ZNF699: variants seen among roughly 807,000 people sequenced by gnomAD.
The protein encoded by ZNF699 is zinc finger protein 699.
In ZNF699, 18 loss-of-function variants were observed where a neutral mutation model predicts 22.5. The observed-to-expected ratio is 0.80, with a 90% CI of 0.55 to 1.19. ZNF699 has a LOEUF of 1.19. ZNF699 is among the 50% of genes most tolerant of loss of function. The pLI, the probability that ZNF699 is intolerant of heterozygous loss-of-function variation, is 0.00. For missense variants in ZNF699, 670 were observed against 763.4 expected (o/e 0.88, Z 1.44); for synonymous variants, 241 against 262.3 (o/e 0.92, Z 0.78).
rs2066289117 is a variant in ZNF699 at position 9,296,910 on chromosome 19, T to C, written c.494A>G (p.Tyr165Cys). The change falls in exon 6 of 6, where the codon TAT (tyrosine) becomes TGT (cysteine). Residue 165 changes from tyrosine (Y) to cysteine (C), a missense_variant. Coordinates refer to ENST00000591998, the MANE Select transcript of ZNF699 (RefSeq NM_198535.3). The part of the protein sequence containing the change: ...HLRNHMVENI[Y>C]ECYEENQDGQ... The stretch of plus-strand genomic sequence containing the variant: ...ATCTTGATTTTCTTCATAACATTCA[T>C]AGATGTTCTCTACCATATGATTTCT... 6.2e-7 allele frequency: 1 copy of C among 1,609,412 alleles called. No individual in the cohort carries two copies. Among genetic ancestry groups the C allele is most frequent in the Non-Finnish European group, 8.5e-7 (1 of 1,176,294 alleles).
chr19:9,300,281 CCT>C (rs1415094844), intron 3 of ZNF699, among the ~76,000 whole-genome samples: 1 of 152,122 alleles, frequency 6.6e-6, no homozygotes, highest in Admixed American at 6.6e-5. Context: ...GGAGTTTCAC[CCT>C]GTTAGCCAGG....
In ZNF699 at chr19:9,293,485, C is replaced by A. The variant is rs2066273662; in HGVS notation, c.*1990G>T. On this transcript the variant is annotated 3_prime_UTR_variant, in exon 6 of 6. Transcript: ENST00000591998. ...TAAGCCCATACATCTATCAAAAGAA[C>A]AATTAAAAGTCAAACCACACATTAT... Among the ~76,000 whole-genome samples, 1 of 152,128 alleles carries A rather than the reference C, an allele frequency of 6.6e-6. No homozygotes were observed. The highest frequency in any genetic ancestry group is 2.4e-5 in the African/African-American group (1 of 41,416).
At chr19:9,305,361 G>C (rs967163474) in intron 1 of ZNF699, among the ~76,000 whole-genome samples, 9 of 152,080 alleles carry the variant, frequency 5.9e-5, no homozygotes, top group Non-Finnish European at 1.3e-4. Context: ...CGTCCCCCTA[G>C]AGATACAAAA....
chr19:9,296,244 C>A lies in ZNF699; in HGVS notation c.1160G>T (p.Gly387Val). Residue 387 changes from glycine to valine, a missense_variant, in exon 6 of 6, where the codon GGA becomes GTA. By Grantham distance (109) the Gly-to-Val change is moderately radical (BLOSUM62 -3). Transcript: ENST00000591998. ...KLTVHGRTHTGEKPYKCKECG... is the reference protein window; with the variant it reads ...KLTVHGRTHTVEKPYKCKECG... ...TTCCTTACATTTATAGGGTTTCTCT[C>A]CAGTATGTGTCCTCCCATGTACAGT... 2 of 1,614,092 alleles carry A rather than the reference C, an allele frequency of 1.2e-6. No individual in the cohort carries two copies. Among genetic ancestry groups the A allele is most frequent in the South Asian group, 2.2e-5 (2 of 91,082 alleles).
chr19:9,296,335 G>A lies in ZNF699; in HGVS notation c.1069C>T (p.His357Tyr). The A allele has an allele frequency of 1.9e-6, 3 of 1,613,750 alleles. No homozygotes were observed. The highest frequency in any genetic ancestry group is 2.5e-6 in the Non-Finnish European group (3 of 1,179,928). The change falls in exon 6 of 6, where the codon CAC (histidine) becomes TAC (tyrosine). Residue 357 changes from histidine to tyrosine, a missense_variant. Coordinates refer to ENST00000591998, the MANE Select transcript of ZNF699 (RefSeq NM_198535.3). ...CATTCATAAGGCTTCTCTCCAGTGTGAATTCTTATATGTATTATAAGGTGA... is the reference window on the plus strand; with the variant it reads ...CATTCATAAGGCTTCTCTCCAGTGTAAATTCTTATATGTATTATAAGGTGA... The part of the protein sequence containing the change: ...SSHLIIHIRI[H>Y]TGEKPYECKE...
rs572946611 is a variant in ZNF699, at chr19:9,306,925, C to T, written c.-5-1801G>A. Reference sequence around the variant, plus strand: ...AAGCATTCTAATCAAATATGCTGTGCGTGGTAGCTCATGCTTGTAATCCCA... The same window carrying T: ...AAGCATTCTAATCAAATATGCTGTGTGTGGTAGCTCATGCTTGTAATCCCA... On this transcript the variant is annotated intron_variant, in intron 1 of 5. Coordinates refer to ENST00000591998, the MANE Select transcript of ZNF699 (RefSeq NM_198535.3). 9.2e-5 allele frequency among the ~76,000 whole-genome samples: 14 copies of T among 152,328 alleles called. 1 individual carries two copies. In the South Asian group the frequency reaches 2.7e-3, roughly 29 times the overall value.
chr19:9,303,458 C>A (rs909213972), intron 2 of ZNF699, among the ~76,000 whole-genome samples: 10 of 152,190 alleles, frequency 6.6e-5, no homozygotes, highest in Admixed American at 6.5e-4. Context: ...ACGAAGTACA[C>A]AGATAAAATA....
Position 9,301,110 on chromosome 19 carries a change from AAAT to A in ZNF699, c.175+1265_175+1267del, listed in dbSNP as rs368663602. ...AGCTGTGAACCTAAAATTGCTCTAA[AAAT>A]AATAATAAAGCCTACAAAAAAAAAA... On this transcript the variant is annotated intron_variant, in intron 3 of 5. Transcript: ENST00000591998. Among the ~76,000 whole-genome samples, 121 of 150,172 alleles carry A rather than the reference AAAT, an allele frequency of 8.1e-4. 2 individuals carry two copies. Among genetic ancestry groups the A allele is most frequent in the Middle Eastern group, 3.4e-3 (1 of 294 alleles).
At position 9,296,385 on chromosome 19, in the gene ZNF699, C is replaced by T. The variant is rs1222451572; in HGVS notation, c.1019G>A (p.Cys340Tyr). ...AGAGGAAGAGCTAAAGGCCTTCCCA[C>T]ATTCCTTACATTCATATGGCTTATC... is the stretch of plus-strand genomic sequence containing the variant. ...SGDKPYECKECGKAFSSSSHL... is the reference protein window; with the variant it reads ...SGDKPYECKEYGKAFSSSSHL... Residue 340 changes from cysteine (C) to tyrosine (Y), a missense_variant, in exon 6 of 6, where the codon TGT (cysteine) becomes TAT (tyrosine). Coordinates refer to ENST00000591998, the MANE Select transcript of ZNF699 (RefSeq NM_198535.3). The T allele has an allele frequency of 6.2e-7, 1 of 1,614,124 alleles. No individual in the cohort carries two copies. The highest frequency in any genetic ancestry group is 2.2e-5 in the East Asian group (1 of 44,872).
chr19:9,296,995 T>C (rs892648764), intron 5 of ZNF699, 62 bp from the exon 6 acceptor site: 3 of 1,354,926 alleles, frequency 2.2e-6, no homozygotes, highest in Non-Finnish European at 2.0e-6. Context: ...TGAATGTATA[T>C]GTTTTCTGCC....
Position 9,305,000 on chromosome 19 carries a change from G to C in ZNF699, c.48+72C>G. 3 of 1,200,778 alleles carry C rather than the reference G, an allele frequency of 2.5e-6. No individual in the cohort carries two copies. In the South Asian group the frequency reaches 3.8e-5, roughly 15 times the overall value. 74.4% of individuals were successfully genotyped at this position (1,200,778 alleles called of 1,614,324 possible). On this transcript the variant is annotated intron_variant, in intron 2 of 5. Coordinates refer to ENST00000591998, the MANE Select transcript of ZNF699 (RefSeq NM_198535.3). ...CAATACAGAAAGAGATTGCTGGCTT[G>C]TGCCCTAAAACACTGAGGGAGACCT...
At chr19:9,299,584 C>T (rs1034499301) in intron 3 of ZNF699, among the ~76,000 whole-genome samples, 3 of 152,024 alleles carry the variant, frequency 2.0e-5, no homozygotes, top group Admixed American at 1.3e-4. Flanking sequence ...ACTACCAGCG[C>T]GTGCCCCCCA....
In ZNF699 at chr19:9,295,367, G is replaced by A. The variant is rs899727475; in HGVS notation, c.*108C>T. On this transcript the variant is annotated 3_prime_UTR_variant, in exon 6 of 6. Transcript: ENST00000591998. The stretch of plus-strand genomic sequence containing the variant: ...AGTGTCCTCAAATCTTCAAAACGAT[G>A]AGCAACAATTTCCTACTTTCTTACA... 4 of 1,420,964 alleles carry A rather than the reference G, an allele frequency of 2.8e-6. No individual in the cohort carries two copies. The highest frequency in any genetic ancestry group is 1.4e-5 in the South Asian group (1 of 70,244). 88.0% of individuals were successfully genotyped at this position (1,420,964 alleles called of 1,614,324 possible). A position where few individuals can be genotyped will look rare whatever the true frequency, so the allele number is the denominator to read the frequency against.
In ZNF699 at chr19:9,297,400, T is replaced by G. The variant is rs766643243; in HGVS notation, c.366A>C (p.Lys122Asn). 4 of 1,602,520 alleles carry G rather than the reference T, an allele frequency of 2.5e-6. No individual in the cohort carries two copies. The highest frequency in any genetic ancestry group is 1.7e-4 in the Middle Eastern group (1 of 6,058). ...ICGEKISNEQ[K>N]IVRFKRNDSW... ...AATCATTCCTTTTGAATCTTACTATTTTCTGTTCATTGGATATTTTTTCTC... is the reference window on the plus strand; with the variant it reads ...AATCATTCCTTTTGAATCTTACTATGTTCTGTTCATTGGATATTTTTTCTC... Residue 122 changes from lysine (K) to asparagine (N), a missense_variant, in exon 5 of 6, where the codon AAA (lysine) becomes AAC (asparagine). Coordinates refer to ENST00000591998, the MANE Select transcript of ZNF699 (RefSeq NM_198535.3). This position sits in a 1 kb window ranked among gnomAD's most constrained non-coding sequence, Gnocchi z 4.3.
In ZNF699 at chr19:9,291,407, A is replaced by T. The variant is rs191301150; in HGVS notation, c.*4068T>A. On this transcript the variant is annotated 3_prime_UTR_variant, in exon 6 of 6. Coordinates refer to ENST00000591998, the MANE Select transcript of ZNF699 (RefSeq NM_198535.3). ...ATTTCCAAAAATATTACAAAGCAAC[A>T]TAAATTAAGATAGTATGGTATTGAT... 1 of 152,322 alleles carries T rather than the reference A, an allele frequency of 6.6e-6. No homozygotes were observed. The highest frequency in any genetic ancestry group is 1.5e-5 in the Non-Finnish European group (1 of 68,024). The allele number at this position is 152,322 out of a possible 1,614,324, so 9.4% of individuals were successfully genotyped here.
At chr19:9,303,980 G>T (rs1254951013) in intron 2 of ZNF699, among the ~76,000 whole-genome samples, 1 of 151,392 alleles carries the variant, frequency 6.6e-6, no homozygotes, top group Non-Finnish European at 1.5e-5. Context: ...ACCATGCCCA[G>T]CTACTTTTTT....
intron 1 of ZNF699, among the ~76,000 whole-genome samples, chr19:9,306,176 G>A (rs1013737958): frequency 4.0e-5 from 6 of 151,862 alleles, no homozygotes; most frequent in African/African-American, 1.2e-4. Flanking sequence ...GATGGATCAC[G>A]AGGTCAGGAG....
intron 3 of ZNF699, among the ~76,000 whole-genome samples, chr19:9,298,408 T>C (rs1311760372): frequency 4.8e-5 from 7 of 146,370 alleles, no homozygotes; most frequent in Non-Finnish European, 1.0e-4. Context: ...ATCGTGCCAC[T>C]GCACTCCCGC....
chr19:9,298,110 C>A, intron 3 of ZNF699, 120 bp from the exon 4 acceptor site: 1 of 617,668 alleles, frequency 1.6e-6, no homozygotes, highest in Non-Finnish European at 2.8e-6. Context: ...GTGAGTTTAA[C>A]TGCAACAAAA....
Sources: gnomAD v4.1 joint callset for allele counts (sites outside exome capture counted in the v4.1 genomes callset) on GRCh38, gnomAD v4.1.1 for gene constraint, Gnocchi (gnomAD v3.1) non-coding constraint, MANE v1.5 for transcripts, NCBI Gene and HGNC (gene_info 2026-07-23, HGNC 2026-07-21) for gene names.